Variants in DNAJC5 observed in about 807,000 individuals in gnomAD.
DNAJC5 encodes dnaJ homolog subfamily C member 5.
DNAJC5 carries 1 observed loss-of-function variant against 23.2 expected under a neutral mutation model. The observed-to-expected ratio is 0.04, with a 90% CI of 0.02 to 0.20. The LOEUF (loss-of-function observed/expected upper bound fraction) is 0.20. Among genes scored for constraint, DNAJC5 ranks in the 10% least tolerant of loss-of-function variants. DNAJC5 has a pLI of 1.00. For synonymous variants in DNAJC5, 136 were observed against 120.0 expected (o/e 1.13, Z -0.87); for missense variants, 180 against 267.0 (o/e 0.67, Z 2.27).
intron 1 of DNAJC5, among the ~76,000 whole-genome samples, chr20:63,908,784 A>G (rs1339792389): frequency 6.6e-6 from 1 of 152,140 alleles, no homozygotes; most frequent in Non-Finnish European, 1.5e-5. Flanking sequence ...TGGGTGACAG[A>G]GTGAGACCCC....
intron 1 of DNAJC5, among the ~76,000 whole-genome samples, chr20:63,897,393 T>C (rs2053382188): frequency 6.7e-6 from 1 of 149,378 alleles, no homozygotes; most frequent in Admixed American, 6.7e-5. Flanking sequence ...AAACTCCATC[T>C]TATAAAAAAA....
At chr20:63,925,358 C>T (rs556131038) in intron 1 of DNAJC5, among the ~76,000 whole-genome samples, 1 of 152,172 alleles carries the variant, frequency 6.6e-6, no homozygotes, top group African/African-American at 2.4e-5. Context: ...GTTCGCGTGC[C>T]TGTAGTCCCA....
At position 63,928,556 on chromosome 20, in the gene DNAJC5, G is replaced by A; in HGVS notation, c.107+104G>A. On this transcript the variant is annotated intron_variant, in intron 2 of 4. Transcript: ENST00000360864. The surrounding 1 kb of genome is among the most constrained non-coding windows in gnomAD (Gnocchi z 4.6). ...GAACCATTGCACATACTTTATCCTG[G>A]CCGACTCAGCGTTGAACTGGTCACA... 3.2e-6 allele frequency: 3 copies of A among 951,670 alleles called. No homozygotes were observed. Among genetic ancestry groups the A allele is most frequent in the Admixed American group, 3.9e-5 (2 of 51,726 alleles). The allele number at this position is 951,670 out of a possible 1,614,324, so 59.0% of individuals were successfully genotyped here. A position where few individuals can be genotyped will look rare whatever the true frequency, so the allele number is the denominator to read the frequency against.
rs144915847 is a variant in DNAJC5 at position 63,930,948 on chromosome 20, C to T, written c.419C>T (p.Ala140Val). 7.5e-5 allele frequency: 121 copies of T among 1,614,048 alleles called. No individual in the cohort carries two copies. Among genetic ancestry groups the T allele is most frequent in the East Asian group, 2.9e-4 (13 of 44,900 alleles). ...NCCCGKCKPK[A>V]PEGEETEFYV... ...TGCTGCGGGAAGTGTAAGCCCAAGG[C>T]GCCTGAAGGCGAGGAGACGGAGTTC... The change falls in exon 4 of 5, where the codon GCG becomes GTG. Residue 140 changes from alanine to valine, a missense_variant. Physicochemically the swap from Ala to Val is moderately conservative, Grantham distance 64. Around this residue, in one of 3 missense-constraint regions of DNAJC5, gnomAD observed 97 missense variants for 123.4 expected, o/e 0.79. Transcript: ENST00000360864.
chr20:63,928,580 C>A lies in DNAJC5; in HGVS notation c.107+128C>A. The A allele has an allele frequency of 1.3e-6, 1 of 764,626 alleles. No individual in the cohort carries two copies. Among genetic ancestry groups the A allele is most frequent in the Non-Finnish European group, 2.3e-6 (1 of 432,828 alleles). The allele number at this position is 764,626 out of a possible 1,614,324, so 47.4% of individuals were successfully genotyped here. A position where few individuals can be genotyped will look rare whatever the true frequency, so the allele number is the denominator to read the frequency against. On this transcript the variant is annotated intron_variant, in intron 2 of 4. Transcript: ENST00000360864. This position sits in a 1 kb window ranked among gnomAD's most constrained non-coding sequence, Gnocchi z 4.6. ...GGCCGACTCAGCGTTGAACTGGTCA[C>A]AGCTCGGTAACACCTTTGTATGTGT...
intron 1 of DNAJC5, among the ~76,000 whole-genome samples, chr20:63,904,718 C>T (rs1460131256): frequency 6.6e-6 from 1 of 152,220 alleles, no homozygotes; most frequent in African/African-American, 2.4e-5. Context: ...AGCTGCCTCC[C>T]AGTAAAGCCT....
At chr20:63,930,448 C>T (rs962766968) in intron 3 of DNAJC5, among the ~76,000 whole-genome samples, 1 of 152,166 alleles carries the variant, frequency 6.6e-6, no homozygotes, top group Non-Finnish European at 1.5e-5. Context: ...CCCGGGTTCA[C>T]GCCATTCTCC....
chr20:63,926,109 T>G (rs991770262), intron 1 of DNAJC5, among the ~76,000 whole-genome samples: 3 of 152,230 alleles, frequency 2.0e-5, no homozygotes, highest in African/African-American at 7.2e-5. Flanking sequence ...ATTACAGGCG[T>G]GAGCCACGGC....
chr20:63,904,833 C>T (rs1357691196), intron 1 of DNAJC5, among the ~76,000 whole-genome samples: 2 of 152,188 alleles, frequency 1.3e-5, no homozygotes, highest in Non-Finnish European at 1.5e-5. Context: ...GACAAAGTCT[C>T]GCTGTTGTAC....
intron 1 of DNAJC5, among the ~76,000 whole-genome samples, chr20:63,906,421 C>T (rs1471484324): frequency 2.0e-5 from 3 of 151,998 alleles, no homozygotes; most frequent in Non-Finnish European, 4.4e-5. Flanking sequence ...ACCCAGAAGG[C>T]GGAGGTTGCA....
rs753445144 is a variant in DNAJC5 at position 63,906,791 on chromosome 20, AAATT to A, written c.-12+11483_-12+11486del. 2.6e-3 allele frequency among the ~76,000 whole-genome samples: 401 copies of A among 151,538 alleles called. 4 individuals carry two copies. Among genetic ancestry groups the A allele is most frequent in the African/African-American group, 8.0e-3 (331 of 41,238 alleles). ...AGTGATCGAGACTCTGTCTCAAAAA[AAATT>A]AATTAATTAATTAAAATATGACAGT... On this transcript the variant is annotated intron_variant, in intron 1 of 4. Transcript: ENST00000360864.
chr20:63,910,556 G>T (rs981357059), intron 1 of DNAJC5, among the ~76,000 whole-genome samples: 10 of 151,966 alleles, frequency 6.6e-5, no homozygotes, highest in African/African-American at 2.4e-4. Context: ...AAAAAAAAGT[G>T]ATGTGCGCTT....
At chr20:63,895,552 G>A (rs1192338726) in intron 1 of DNAJC5, among the ~76,000 whole-genome samples, 2 of 150,246 alleles carry the variant, frequency 1.3e-5, no homozygotes, top group African/African-American at 4.9e-5. Flanking sequence ...GCCGGGCCGG[G>A]CCGGGCCGGG....
rs1417555947 is a variant in DNAJC5 at position 63,920,577 on chromosome 20, G to A, written c.-11-7758G>A. 6.6e-6 allele frequency among the ~76,000 whole-genome samples: 1 copy of A among 152,278 alleles called. No individual in the cohort carries two copies. The highest frequency in any genetic ancestry group is 1.5e-5 in the Non-Finnish European group (1 of 68,052). On this transcript the variant is annotated intron_variant, in intron 1 of 4. Coordinates refer to ENST00000360864, the MANE Select transcript of DNAJC5 (RefSeq NM_025219.3). This position sits in a 1 kb window ranked among gnomAD's most constrained non-coding sequence, Gnocchi z 4.6. ...CACGTGTGCGGTCTTGTCTGCCTAGGCATGTGTGCGGGCCCTGGGGCTGCT... is the reference window on the plus strand; with the variant it reads ...CACGTGTGCGGTCTTGTCTGCCTAGACATGTGTGCGGGCCCTGGGGCTGCT...
Position 63,928,554 on chromosome 20 carries a change from T to C in DNAJC5, c.107+102T>C. 1 of 977,450 alleles carries C rather than the reference T, an allele frequency of 1.0e-6. No homozygotes were observed. The allele number at this position is 977,450 out of a possible 1,614,324, so 60.5% of individuals were successfully genotyped here. On this transcript the variant is annotated intron_variant, in intron 2 of 4. Transcript: ENST00000360864. This position sits in a 1 kb window ranked among gnomAD's most constrained non-coding sequence, Gnocchi z 4.6. ...AAGAACCATTGCACATACTTTATCC[T>C]GGCCGACTCAGCGTTGAACTGGTCA...
intron 1 of DNAJC5, among the ~76,000 whole-genome samples, chr20:63,900,278 C>T (rs557984035): frequency 3.3e-5 from 5 of 151,952 alleles, no homozygotes; most frequent in Non-Finnish European, 7.4e-5. Flanking sequence ...AGGTTTGGGA[C>T]ATGTCTCTGA....
rs2053631924 is a variant in DNAJC5 at position 63,928,283 on chromosome 20, T to C, written c.-11-52T>C. ...GGAATAAAGTCCATCAGCTCTGCCC[T>C]TGGTACTTTCATCTATACTTTGTGA... On this transcript the variant is annotated intron_variant, in intron 1 of 4. Transcript: ENST00000360864. The surrounding 1 kb of genome is among the most constrained non-coding windows in gnomAD (Gnocchi z 4.6). 6.9e-7 allele frequency: 1 copy of C among 1,441,304 alleles called. No homozygotes were observed. Among genetic ancestry groups the C allele is most frequent in the Non-Finnish European group, 9.7e-7 (1 of 1,029,798 alleles). 89.3% of individuals were successfully genotyped at this position (1,441,304 alleles called of 1,614,324 possible). A position where few individuals can be genotyped will look rare whatever the true frequency, so the allele number is the denominator to read the frequency against.
intron 1 of DNAJC5, among the ~76,000 whole-genome samples, chr20:63,896,122 C>G (rs2053373839): frequency 6.6e-6 from 1 of 152,214 alleles, no homozygotes; most frequent in Non-Finnish European, 1.5e-5. Flanking sequence ...CACGTCTGCC[C>G]TTATTTGCCT....
At chr20:63,899,064 G>C (rs1370438075) in intron 1 of DNAJC5, among the ~76,000 whole-genome samples, 1 of 152,202 alleles carries the variant, frequency 6.6e-6, no homozygotes, top group Non-Finnish European at 1.5e-5. Flanking sequence ...CGTGACTGGG[G>C]CCGCTGTGAC....
Sources: allele counts gnomAD v4.1 joint callset (sites outside exome capture counted in the v4.1 genomes callset), GRCh38; gene constraint gnomAD v4.1.1; regional missense constraint gnomAD v4.1.1; non-coding constraint Gnocchi (gnomAD v3.1); transcripts MANE v1.5; gene names NCBI Gene and HGNC (gene_info 2026-07-23, HGNC 2026-07-21).